CEP126: variants seen among roughly 807,000 people sequenced by gnomAD.
CEP126 encodes the protein centrosomal protein of 126 kDa.
Under a neutral mutation model 107.8 loss-of-function variants are expected in CEP126, and 74 were observed. The observed-to-expected ratio is 0.69, with a 90% CI of 0.57 to 0.83. CEP126 has a LOEUF of 0.83. CEP126 is among the 40% of genes least tolerant of loss of function. The pLI, the probability that CEP126 is intolerant of heterozygous loss-of-function variation, is 0.00. For missense variants in CEP126, 1,237 were observed against 1,281.9 expected, an observed-to-expected ratio of 0.96 and a Z score of 0.53; for synonymous variants, 449 against 446.0, an observed-to-expected ratio of 1.01 and a Z score of -0.08.
Position 101,963,872 on chromosome 11 carries a change from G to A in CEP126, c.2837G>A (p.Arg946Lys). The A allele has an allele frequency of 1.3e-6, 2 of 1,589,284 alleles. No individual in the cohort carries two copies. The highest frequency in any genetic ancestry group is 1.4e-5 in the African/African-American group (1 of 73,650). Residue 946 changes from arginine (R) to lysine (K), a missense_variant, in exon 6 of 11, where the codon AGG becomes AAG. By Grantham distance (26) the Arg-to-Lys change is conservative. This residue lies in a region of CEP126 where 1,134 missense variants were observed against 1,150.5 expected (regional missense o/e 0.99). Transcript: ENST00000263468. ...RGPNVLHQNK[R>K]ATGSTVMRRK... ...CCTAATGTCCTGCATCAAAATAAGA[G>A]GGCTACAGGTAAGAATAAATTTATA...
intron 3 of CEP126, among the ~76,000 whole-genome samples, chr11:101,947,087 C>G (rs1012106600): frequency 6.6e-6 from 1 of 152,062 alleles, no homozygotes; most frequent in Non-Finnish European, 1.5e-5. Flanking sequence ...TGAACTAACC[C>G]TTACATAATA....
At chr11:101,982,536 ACT>A (rs1268243077) in intron 8 of CEP126, among the ~76,000 whole-genome samples, 1 of 151,634 alleles carries the variant, frequency 6.6e-6, no homozygotes, top group African/African-American at 2.4e-5. Flanking sequence ...GTCTCTTTGT[ACT>A]CTTTTTTCTT....
Position 101,923,181 on chromosome 11 carries a change from C to T in CEP126, c.248+421C>T, listed in dbSNP as rs756767459. On this transcript the variant is annotated intron_variant, in intron 2 of 10. Coordinates refer to ENST00000263468, the MANE Select transcript of CEP126 (RefSeq NM_020802.4). The stretch of plus-strand genomic sequence containing the variant: ...TTTTCTATATCTGCCACTTTTCATT[C>T]GTTCAATCTGAAAAATTGGAAAAAA... Among the ~76,000 whole-genome samples the T allele has an allele frequency of 1.1e-4, 16 of 151,746 alleles. 1 individual carries two copies. Among genetic ancestry groups the T allele is most frequent in the South Asian group, 6.2e-4 (3 of 4,808 alleles).
chr11:101,926,758 A>C (rs935534050), intron 2 of CEP126, among the ~76,000 whole-genome samples: 1 of 152,204 alleles, frequency 6.6e-6, no homozygotes, highest in Non-Finnish European at 1.5e-5. Flanking sequence ...TCACATTTTA[A>C]CATAAATTTT....
chr11:101,963,799 ACT>A lies in CEP126; in HGVS notation c.2767_2768del (p.Leu923LysfsTer4), dbSNP rs1002314816. 2.5e-6 allele frequency: 4 copies of A among 1,614,004 alleles called. No homozygotes were observed. The highest frequency in any genetic ancestry group is 3.4e-6 in the Non-Finnish European group (4 of 1,180,014). ...TTGTGAAGAAAGTTATCCGTCTGTG[ACT>A]CTAAGAACTGCTGAAGAAGAATCAG... ...PVCEESYPSV[T>X]LRTAEEESVP... On this transcript the variant is annotated frameshift_variant, in exon 6 of 11. Coordinates refer to ENST00000263468, the MANE Select transcript of CEP126 (RefSeq NM_020802.4). LOFTEE classifies it high-confidence loss of function.
At position 101,964,301 on chromosome 11, in the gene CEP126, GA is replaced by G. The variant is rs915217589; in HGVS notation, c.2845+432del. Among the ~76,000 whole-genome samples the G allele has an allele frequency of 9.2e-3, 1,212 of 131,036 alleles. 17 individuals carry two copies. Among genetic ancestry groups the G allele is most frequent in the African/African-American group, 0.032 (1,132 of 35,440 alleles). 86.0% of individuals were successfully genotyped at this position (131,036 alleles called of 152,430 possible). A position where few individuals can be genotyped will look rare whatever the true frequency, so the allele number is the denominator to read the frequency against. Reference sequence around the variant, plus strand: ...CTGATGACAGAGCAAGACTCTGTCTGAAAAAAAAAAAGAAAGAAGTAACTTA... The same window carrying G: ...CTGATGACAGAGCAAGACTCTGTCTGAAAAAAAAAAGAAAGAAGTAACTTA... On this transcript the variant is annotated intron_variant, in intron 6 of 10. Coordinates refer to ENST00000263468, the MANE Select transcript of CEP126 (RefSeq NM_020802.4).
intron 6 of CEP126, among the ~76,000 whole-genome samples, chr11:101,976,205 T>G (rs1244226122): frequency 6.6e-6 from 1 of 152,242 alleles, no homozygotes; most frequent in African/African-American, 2.4e-5. Flanking sequence ...CCAGCAGCAT[T>G]TAAGTATTCC....
chr11:101,978,860 G>A (rs1177405384), intron 7 of CEP126, among the ~76,000 whole-genome samples: 1 of 152,178 alleles, frequency 6.6e-6, no homozygotes, highest in East Asian at 1.9e-4. Flanking sequence ...CAGGCGCGGT[G>A]GCTCACACCT....
At chr11:101,969,382 G>A (rs907513101) in intron 6 of CEP126, among the ~76,000 whole-genome samples, 1 of 152,136 alleles carries the variant, frequency 6.6e-6, no homozygotes, top group Non-Finnish European at 1.5e-5. Context: ...GTATAATAGA[G>A]GATTTGCTTG....
intron 4 of CEP126, among the ~76,000 whole-genome samples, chr11:101,952,507 A>T (rs1029143894): frequency 6.6e-6 from 1 of 152,180 alleles, no homozygotes; most frequent in African/African-American, 2.4e-5. Context: ...TAAGACCTGG[A>T]GTGATTGGGA....
Position 101,963,125 on chromosome 11 carries a change from A to C in CEP126, c.2090A>C (p.Asn697Thr), listed in dbSNP as rs779033339. 44 of 1,613,990 alleles carry C rather than the reference A, an allele frequency of 2.7e-5. No individual in the cohort carries two copies. Among genetic ancestry groups the C allele is most frequent in the Non-Finnish European group, 3.6e-5 (42 of 1,180,010 alleles). ...TCCAGGGAGGATTCTATCTCTGAAA[A>C]TGTTACGACTTTAGGAGGATCTGGA... is the stretch of plus-strand genomic sequence containing the variant. ...KKSREDSISE[N>T]VTTLGGSGAD... The change falls in exon 6 of 11, where the codon AAT becomes ACT. Residue 697 changes from asparagine (N) to threonine (T), a missense_variant. By Grantham distance (65) the Asn-to-Thr change is moderately conservative. Coordinates refer to ENST00000263468, the MANE Select transcript of CEP126 (RefSeq NM_020802.4).
intron 6 of CEP126, among the ~76,000 whole-genome samples, chr11:101,973,105 C>A (rs1413564095): frequency 6.6e-6 from 1 of 152,188 alleles, no homozygotes; most frequent in Non-Finnish European, 1.5e-5. Flanking sequence ...ATGAATAATT[C>A]TTCCAAGAAC....
At chr11:101,983,441 G>A (rs758601329) in intron 8 of CEP126, among the ~76,000 whole-genome samples, 2 of 152,170 alleles carry the variant, frequency 1.3e-5, no homozygotes, top group African/African-American at 4.8e-5. Context: ...ATCCATCAGC[G>A]TCGCATGAGC....
intron 6 of CEP126, among the ~76,000 whole-genome samples, chr11:101,977,541 G>A (rs1941204922): frequency 6.9e-6 from 1 of 144,730 alleles, no homozygotes; most frequent in East Asian, 2.1e-4. Flanking sequence ...TGAGGCAGGA[G>A]AATCACCTGA....
chr11:101,924,651 A>G (rs953878423), intron 2 of CEP126, among the ~76,000 whole-genome samples: 14 of 152,098 alleles, frequency 9.2e-5, no homozygotes, highest in African/African-American at 3.1e-4. Flanking sequence ...TGTTTTTCAT[A>G]GAGACAAGGT....
At chr11:101,939,312 A>G (rs942635200) in intron 2 of CEP126, among the ~76,000 whole-genome samples, 1 of 152,194 alleles carries the variant, frequency 6.6e-6, no homozygotes, top group Non-Finnish European at 1.5e-5. Context: ...TGACCTTTCT[A>G]TCATTATGAA....
intron 1 of CEP126, among the ~76,000 whole-genome samples, chr11:101,920,261 A>G (rs750962595): frequency 2.0e-5 from 3 of 152,222 alleles, no homozygotes; most frequent in Non-Finnish European, 4.4e-5. Flanking sequence ...TGAAATATGT[A>G]ATAATAGAGT....
intron 2 of CEP126, among the ~76,000 whole-genome samples, chr11:101,931,576 A>G (rs376870538): frequency 3.3e-5 from 5 of 151,790 alleles, no homozygotes; most frequent in East Asian, 3.9e-4. Flanking sequence ...TTAACTTTCA[A>G]GAAGAACAAT....
chr11:101,925,503 A>T (rs1238669713), intron 2 of CEP126, among the ~76,000 whole-genome samples: 2 of 150,604 alleles, frequency 1.3e-5, no homozygotes, highest in African/African-American at 4.9e-5. Flanking sequence ...GGGCGTGGTG[A>T]CTCACACCTG....
Sources: gnomAD v4.1 joint callset for allele counts (sites outside exome capture counted in the v4.1 genomes callset) on GRCh38, gnomAD v4.1.1 for gene constraint, gnomAD v4.1.1 regional missense constraint, MANE v1.5 for transcripts, NCBI Gene and HGNC (gene_info 2026-07-23, HGNC 2026-07-21) for gene names.